Variants in WARS2 observed in about 807,000 individuals in gnomAD.
WARS2 encodes tryptophanyl tRNA synthetase 2, mitochondrial, also known as tryptophan--tRNA ligase, mitochondrial.
WARS2 carries 28 observed loss-of-function variants against 36.5 expected under a neutral mutation model. That is an observed-to-expected ratio of 0.77 (90% CI 0.57 to 1.05). WARS2 has a LOEUF of 1.05. WARS2 is among the 50% of genes least tolerant of loss of function. The pLI, the probability that WARS2 is intolerant of heterozygous loss-of-function variation, is 0.00. For missense variants in WARS2, 435 were observed against 456.8 expected (o/e 0.95, Z 0.44); for synonymous variants, 174 against 178.4 (o/e 0.98, Z 0.20).
intron 2 of WARS2, among the ~76,000 whole-genome samples, chr1:119,056,748 GT>G (rs1362692801): frequency 2.0e-5 from 3 of 151,782 alleles, no homozygotes; most frequent in Non-Finnish European, 4.4e-5. Flanking sequence ...CCACTGATCA[GT>G]TTTGTTACTG....
chr1:119,060,934 G>T (rs556043510), intron 2 of WARS2, among the ~76,000 whole-genome samples: 2 of 152,120 alleles, frequency 1.3e-5, no homozygotes, highest in South Asian at 2.1e-4. Context: ...CAAGTATCTG[G>T]CCAACCCCTG....
At chr1:119,088,392 C>T (rs1486247808) in intron 1 of WARS2, among the ~76,000 whole-genome samples, 1 of 151,340 alleles carries the variant, frequency 6.6e-6, no homozygotes, top group Admixed American at 6.6e-5. Context: ...CCAACTGCTA[C>T]ATAATTATCT....
chr1:119,057,661 G>T (rs115252903), intron 2 of WARS2, among the ~76,000 whole-genome samples: 3,649 of 151,796 alleles, frequency 0.024, 68 homozygotes, highest in Non-Finnish European at 0.038. Flanking sequence ...ATGGTTGCAG[G>T]TGCCTGTAAT....
chr1:119,110,418 A>AT (rs758316099), intron 1 of WARS2, among the ~76,000 whole-genome samples: 6 of 151,738 alleles, frequency 4.0e-5, no homozygotes, highest in Non-Finnish European at 7.4e-5. Flanking sequence ...TTCCAGATTG[A>AT]TTTTTTTTCC....
At chr1:119,036,208 G>GAAAAAT (rs59569272) in intron 4 of WARS2, among the ~76,000 whole-genome samples, 25,322 of 150,746 alleles carry the variant, frequency 0.17, 3,198 homozygotes, top group East Asian at 0.48. Flanking sequence ...ACTCTGCCTC[G>GAAAAAT]AAAAATAAAA....
chr1:119,073,237 C>A (rs1487750154), intron 2 of WARS2, among the ~76,000 whole-genome samples: 1 of 151,032 alleles, frequency 6.6e-6, no homozygotes, highest in African/African-American at 2.4e-5. Context: ...GTATAGTATA[C>A]TACTCTCTCT....
At chr1:119,062,301 T>A (rs1265361051) in intron 2 of WARS2, among the ~76,000 whole-genome samples, 1 of 152,180 alleles carries the variant, frequency 6.6e-6, no homozygotes, top group Non-Finnish European at 1.5e-5. Context: ...TTAAGTAGAC[T>A]AGTACCAAAC....
chr1:119,088,269 C>G (rs1255908836), intron 1 of WARS2, among the ~76,000 whole-genome samples: 1 of 152,150 alleles, frequency 6.6e-6, no homozygotes, highest in Admixed American at 6.6e-5. Flanking sequence ...CTGGGCACCA[C>G]CCCCAGAGAT....
chr1:119,098,007 T>C (rs980726227), intron 1 of WARS2, among the ~76,000 whole-genome samples: 7 of 152,016 alleles, frequency 4.6e-5, no homozygotes, highest in Non-Finnish European at 1.5e-5. Context: ...TCTCAGCACT[T>C]TGGGAGGCTG....
intron 1 of WARS2, among the ~76,000 whole-genome samples, chr1:119,112,638 A>T (rs587759568): frequency 3.3e-5 from 5 of 152,302 alleles, no homozygotes; most frequent in African/African-American, 1.2e-4. Flanking sequence ...TATTTTCTTA[A>T]TGAAGTATGA....
At position 119,049,846 on chromosome 1, in the gene WARS2, C is replaced by G. The variant is rs886902702; in HGVS notation, c.349-4184G>C. ...CTTTTCACCACATCTACTGCTAGCA[C>G]TCCAGTGTGAGACACCATCAATCCT... On this transcript the variant is annotated intron_variant, in intron 2 of 5. Transcript: ENST00000235521. Among the ~76,000 whole-genome samples the G allele has an allele frequency of 3.3e-5, 5 of 152,202 alleles. No individual in the cohort carries two copies. In the South Asian group the frequency reaches 1.0e-3, roughly 32 times the overall value.
At chr1:119,132,426 C>T (rs1208302160) in intron 1 of WARS2, among the ~76,000 whole-genome samples, 1 of 152,140 alleles carries the variant, frequency 6.6e-6, no homozygotes, top group Non-Finnish European at 1.5e-5. Context: ...ACAGTCTGGT[C>T]CTTTACATCT....
chr1:119,092,614 T>C (rs1653122793), intron 1 of WARS2, among the ~76,000 whole-genome samples: 1 of 152,124 alleles, frequency 6.6e-6, no homozygotes, highest in Non-Finnish European at 1.5e-5. Flanking sequence ...CATCCCCAAC[T>C]CCTTCCTTTC....
At chr1:119,126,898 AT>A in intron 1 of WARS2, 10 of 798,288 alleles carry the variant, frequency 1.3e-5, no homozygotes, top group East Asian at 2.5e-5. Context: ...TGATTGTTGC[AT>A]TTTTTAGTAA....
chr1:119,129,721 T>TAA (rs1395387998), intron 1 of WARS2, among the ~76,000 whole-genome samples: 2 of 117,164 alleles, frequency 1.7e-5, no homozygotes, highest in Non-Finnish European at 3.7e-5. Context: ...TCTCAAAAAA[T>TAA]AAAAATAAAA....
chr1:119,099,064 GAA>G, intron 1 of WARS2, among the ~76,000 whole-genome samples: 1 of 152,142 alleles, frequency 6.6e-6, no homozygotes, highest in Admixed American at 6.6e-5. Context: ...AATGTTCTGT[GAA>G]AGAGGCATTC....
chr1:119,077,736 T>C (rs587703015), intron 1 of WARS2, among the ~76,000 whole-genome samples: 58 of 152,018 alleles, frequency 3.8e-4, no homozygotes, highest in Non-Finnish European at 2.5e-4. Flanking sequence ...ACTGAAGTCA[T>C]AATAGGAAAA....
intron 1 of WARS2, among the ~76,000 whole-genome samples, chr1:119,139,299 T>C (rs1347037104): frequency 6.6e-6 from 1 of 152,204 alleles, no homozygotes; most frequent in Non-Finnish European, 1.5e-5. Context: ...ATATATTAGC[T>C]TATAAGAATT....
chr1:119,052,220 A>G lies in WARS2; in HGVS notation c.349-6558T>C, dbSNP rs957737292. ...GATTCAAGCAATTAGCTGGCTCAGTAAATCCTGGATCAAATCTCTGTGTCC... is the reference window on the plus strand; with the variant it reads ...GATTCAAGCAATTAGCTGGCTCAGTGAATCCTGGATCAAATCTCTGTGTCC... On this transcript the variant is annotated intron_variant, in intron 2 of 5. Coordinates refer to ENST00000235521, the MANE Select transcript of WARS2 (RefSeq NM_015836.4). 3.3e-5 allele frequency among the ~76,000 whole-genome samples: 5 copies of G among 152,162 alleles called. No individual in the cohort carries two copies. The East Asian group carries it at 9.6e-4, about 29-fold the overall frequency.
Sources: gnomAD v4.1 joint callset for allele counts (sites outside exome capture counted in the v4.1 genomes callset) on GRCh38, gnomAD v4.1.1 for gene constraint, MANE v1.5 for transcripts, NCBI Gene and HGNC (gene_info 2026-07-23, HGNC 2026-07-21) for gene names.